TSPEAR: variants seen among roughly 807,000 people sequenced by gnomAD.
TSPEAR encodes the protein thrombospondin type laminin G domain and EAR repeats.
TSPEAR carries 69 observed loss-of-function variants against 71.6 expected under a neutral mutation model. The ratio of observed to expected loss-of-function variants is 0.96; its 90% CI spans 0.79 to 1.18. The LOEUF is 1.18. Among genes scored for constraint, TSPEAR ranks in the 50% most tolerant of loss-of-function variants. The pLI, the probability that TSPEAR is intolerant of heterozygous loss-of-function variation, is 0.00. For synonymous variants in TSPEAR, 402 were observed against 387.2 expected (o/e 1.04, Z -0.45); for missense variants, 971 against 894.9 (o/e 1.09, Z -1.09).
chr21:44,566,673 T>C (rs1386432854), intron 2 of TSPEAR, among the ~76,000 whole-genome samples: 1 of 152,110 alleles, frequency 6.6e-6, no homozygotes, highest in East Asian at 1.9e-4. Flanking sequence ...GACAAATGAA[T>C]GAATAAAGTA....
intron 1 of TSPEAR, chr21:44,627,042 G>A: frequency 7.1e-7 from 1 of 1,415,914 alleles, no homozygotes. Flanking sequence ...TGTGGGCCCT[G>A]GAACAACAAG....
At chr21:44,617,567 C>CTGCAGGCAAGGGA (rs1982184102) in intron 1 of TSPEAR, among the ~76,000 whole-genome samples, 1 of 152,372 alleles carries the variant, frequency 6.6e-6, no homozygotes, top group South Asian at 2.1e-4. Flanking sequence ...AGAAATACAA[C>CTGCAGGCAAGGGA]TGCAGGCAAG....
chr21:44,660,594 C>T (rs1051819249), intron 1 of TSPEAR, among the ~76,000 whole-genome samples: 1 of 152,206 alleles, frequency 6.6e-6, no homozygotes. Flanking sequence ...AGCACACGTG[C>T]ACTATAAGAA....
rs587668286 is a variant in TSPEAR, at chr21:44,646,764, T to C, written c.82+64669A>G. ...CCTGCCAGCAGGCCTGCTGTGTGCC[T>C]GTCTGCTGCAAGACTGTCTGCTGCA... is the stretch of plus-strand genomic sequence containing the variant. On this transcript the variant is annotated intron_variant, in intron 1 of 11. Transcript: ENST00000323084. 82 of 1,612,782 alleles carry C rather than the reference T, an allele frequency of 5.1e-5. No individual in the cohort carries two copies. In the African/African-American group the frequency reaches 5.5e-4, roughly 11 times the overall value.
chr21:44,685,172 AC>A (rs1555948746), intron 1 of TSPEAR, among the ~76,000 whole-genome samples: 2 of 152,066 alleles, frequency 1.3e-5, no homozygotes, highest in African/African-American at 2.4e-5. Flanking sequence ...ACCCATATCC[AC>A]CACCAGCAGG....
At position 44,529,877 on chromosome 21, in the gene TSPEAR, C is replaced by T; in HGVS notation, c.711G>A (p.Leu237=). The T allele has an allele frequency of 6.2e-7, 1 of 1,613,610 alleles. No homozygotes were observed. Residue 237 remains leucine, a synonymous_variant, in exon 5 of 12, where the codon CTG becomes CTA. Coordinates refer to ENST00000323084, the MANE Select transcript of TSPEAR (RefSeq NM_144991.3). ...PRLCPSRNAP[L]AVLSIPRVLQ... is the part of the protein sequence containing the mutation. ...GGACCCGTGGGATGGACAGCACCGCCAGCGGGGCGTTCCTGCTGGGACACA... is the reference window on the plus strand; with the variant it reads ...GGACCCGTGGGATGGACAGCACCGCTAGCGGGGCGTTCCTGCTGGGACACA...
At chr21:44,570,863 C>A (rs889607941) in intron 1 of TSPEAR, among the ~76,000 whole-genome samples, 1 of 152,188 alleles carries the variant, frequency 6.6e-6, no homozygotes, top group Non-Finnish European at 1.5e-5. Context: ...ACTCCATAAA[C>A]AACACCACGT....
chr21:44,557,393 G>A (rs1026526724), intron 2 of TSPEAR, among the ~76,000 whole-genome samples: 9 of 152,196 alleles, frequency 5.9e-5, no homozygotes, highest in African/African-American at 1.7e-4. Context: ...TGGGATGACC[G>A]TGCACAGATA....
At chr21:44,620,890 A>G (rs1034776470) in intron 1 of TSPEAR, among the ~76,000 whole-genome samples, 5 of 152,080 alleles carry the variant, frequency 3.3e-5, no homozygotes, top group African/African-American at 1.2e-4. Context: ...AGAGTTTTCT[A>G]TCTTCTCTTT....
chr21:44,558,893 T>C, intron 2 of TSPEAR: 1 of 806,980 alleles, frequency 1.2e-6, no homozygotes, highest in Non-Finnish European at 1.9e-6. Flanking sequence ...TTGTTGTTGT[T>C]GTAGGCACTG....
At chr21:44,604,764 C>T (rs1344661951) in intron 1 of TSPEAR, among the ~76,000 whole-genome samples, 1 of 152,170 alleles carries the variant, frequency 6.6e-6, no homozygotes, top group Non-Finnish European at 1.5e-5. Context: ...TGCGTCTCTT[C>T]TATGTCTATT....
At chr21:44,601,209 C>A in intron 1 of TSPEAR, 1 of 1,602,748 alleles carries the variant, frequency 6.2e-7, no homozygotes, top group Non-Finnish European at 8.5e-7. Flanking sequence ...CCAGCCCCTG[C>A]CAATCAGGCT....
chr21:44,682,737 G>GCTTCCAAAATGCAGTGTCAC (rs1184717740), intron 1 of TSPEAR, among the ~76,000 whole-genome samples: 1 of 152,176 alleles, frequency 6.6e-6, no homozygotes, highest in Non-Finnish European at 1.5e-5. Context: ...GCTGGGGCAG[G>GCTTCCAAAATGCAGTGTCAC]CTTCCAAAAT....
intron 1 of TSPEAR, chr21:44,627,617 T>C (rs782226240): frequency 1.2e-6 from 2 of 1,610,750 alleles, no homozygotes; most frequent in South Asian, 2.2e-5. Flanking sequence ...TGCAAACCTG[T>C]GTGCTGTGCG....
At chr21:44,693,944 C>T (rs1159667973) in intron 1 of TSPEAR, among the ~76,000 whole-genome samples, 1 of 152,192 alleles carries the variant, frequency 6.6e-6, no homozygotes. Context: ...TATCTACCAA[C>T]AGATGAATGG....
chr21:44,649,339 C>T (rs1984634862), intron 1 of TSPEAR, among the ~76,000 whole-genome samples: 1 of 152,180 alleles, frequency 6.6e-6, no homozygotes, highest in African/African-American at 2.4e-5. Flanking sequence ...CCCCCTGCAC[C>T]TCACATGCTC....
In TSPEAR at chr21:44,580,502, C is replaced by A. The variant is rs1447137612; in HGVS notation, c.83-12497G>T. On this transcript the variant is annotated intron_variant, in intron 1 of 11. Coordinates refer to ENST00000323084, the MANE Select transcript of TSPEAR (RefSeq NM_144991.3). ...GGCGGTGCCGCAGGGGGGCTCACAG[C>A]AGCTCTCTGGGCAGTCGTCCACTCG... 5 of 1,613,476 alleles carry A rather than the reference C, an allele frequency of 3.1e-6. No individual in the cohort carries two copies. In the African/African-American group the frequency reaches 5.3e-5, roughly 17 times the overall value.
chr21:44,700,116 A>G (rs1555951338), intron 1 of TSPEAR, among the ~76,000 whole-genome samples: 1 of 152,178 alleles, frequency 6.6e-6, no homozygotes, highest in Non-Finnish European at 1.5e-5. Flanking sequence ...GACAACAGAG[A>G]TTCTTCTACA....
intron 2 of TSPEAR, chr21:44,558,497 G>T: frequency 6.2e-7 from 1 of 1,613,934 alleles, no homozygotes; most frequent in Non-Finnish European, 8.5e-7. Flanking sequence ...GCGTGCAGGA[G>T]CTGGTGCAGC....
Sources: allele counts gnomAD v4.1 joint callset (sites outside exome capture counted in the v4.1 genomes callset), GRCh38; gene constraint gnomAD v4.1.1; transcripts MANE v1.5; gene names NCBI Gene and HGNC (gene_info 2026-07-23, HGNC 2026-07-21).